EPHB2: variants seen among roughly 807,000 people sequenced by gnomAD.
EPHB2 encodes EPH receptor B2, also known as ephrin type-B receptor 2.
A neutral mutation model predicts 96.4 loss-of-function variants in EPHB2; 18 were observed. The ratio of observed to expected loss-of-function variants is 0.19; its 90% CI spans 0.13 to 0.28. The LOEUF (loss-of-function observed/expected upper bound fraction) is 0.28, where lower values mean the gene tolerates loss of function less well. EPHB2 is among the 10% of genes least tolerant of loss of function. The pLI, the probability that EPHB2 is intolerant of heterozygous loss-of-function variation, is 1.00. For synonymous variants in EPHB2, 506 were observed against 534.1 expected (o/e 0.95, Z 0.72); for missense variants, 989 against 1,355.4 (o/e 0.73, Z 4.25).
At chr1:22,785,358 A>G (rs1184546762) in intron 3 of EPHB2, among the ~76,000 whole-genome samples, 1 of 152,268 alleles carries the variant, frequency 6.6e-6, no homozygotes, top group African/African-American at 2.4e-5. Flanking sequence ...TCATATGAGT[A>G]TGTCAAGTGG....
At position 22,906,641 on chromosome 1, in the gene EPHB2, CAG is replaced by C. The variant is rs200311784; in HGVS notation, c.1889-68_1889-67del. 0.016 allele frequency: 25,933 copies of C among 1,609,144 alleles called. 1,138 individuals carry two copies. The Admixed American group carries it at 0.17, about 10-fold the overall frequency. On this transcript the variant is annotated intron_variant, in intron 10 of 15. Transcript: ENST00000374630. This position sits in a 1 kb window ranked among gnomAD's most constrained non-coding sequence, Gnocchi z 4.8. The stretch of plus-strand genomic sequence containing the variant: ...CTGCAGGCCCCGTGAGTGGACATGA[CAG>C]GGAACAGGAAGGTGGCCCTTCCACC...
rs1640202899 is a variant in EPHB2, at chr1:22,914,123, T to G, written c.*553T>G. On this transcript the variant is annotated 3_prime_UTR_variant, in exon 16 of 16. Transcript: ENST00000374630. ...TGAGAACCCCTCTGGGAAAATCTAT[T>G]CCTGCCACCACTGGGCAAACAGAAG... 2 of 477,530 alleles carry G rather than the reference T, an allele frequency of 4.2e-6. No homozygotes were observed. The highest frequency in any genetic ancestry group is 7.3e-6 in the Non-Finnish European group (2 of 274,298). The allele number at this position is 477,530 out of a possible 1,614,324, so 29.6% of individuals were successfully genotyped here. A position where few individuals can be genotyped will look rare whatever the true frequency, so the allele number is the denominator to read the frequency against.
rs1226067388 is a variant in EPHB2 at position 22,918,164 on chromosome 1, T to C, written c.*4594T>C. On this transcript the variant is annotated 3_prime_UTR_variant, in exon 16 of 16. Coordinates refer to ENST00000374630, the MANE Select transcript of EPHB2 (RefSeq NM_017449.5). This position sits in a 1 kb window ranked among gnomAD's most constrained non-coding sequence, Gnocchi z 4.2. ...GCTACTCCTCTCCCCGAGAAGGAAT[T>C]GCCCCCGGAGCGGCCCTCATTTATT... The C allele has an allele frequency of 6.6e-6, 1 of 152,116 alleles. No homozygotes were observed. The allele number at this position is 152,116 out of a possible 1,614,324, so 9.4% of individuals were successfully genotyped here. A position where few individuals can be genotyped will look rare whatever the true frequency, so the allele number is the denominator to read the frequency against.
chr1:22,806,506 GAT>G (rs1644928743), intron 3 of EPHB2, among the ~76,000 whole-genome samples: 1 of 3,202 alleles, frequency 3.1e-4, no homozygotes, highest in Non-Finnish European at 1.7e-3. Context: ...CGGACGGACG[GAT>G]GGATGGATGG....
rs540813207 is a variant in EPHB2, at chr1:22,723,396, C to T, written c.61+12353C>T. Among the ~76,000 whole-genome samples, 4 of 152,336 alleles carry T rather than the reference C, an allele frequency of 2.6e-5. No individual in the cohort carries two copies. In the East Asian group the frequency reaches 7.7e-4, roughly 29 times the overall value. Reference sequence around the variant, plus strand: ...CTGTCTCCGTCAGCGTCAGCTGTCACTCCCCACGGCCTCAGATGGCAGCTC... The same window carrying T: ...CTGTCTCCGTCAGCGTCAGCTGTCATTCCCCACGGCCTCAGATGGCAGCTC... On this transcript the variant is annotated intron_variant, in intron 1 of 15. Transcript: ENST00000374630.
chr1:22,894,718 C>T (rs1393226773), intron 7 of EPHB2, among the ~76,000 whole-genome samples: 1 of 152,056 alleles, frequency 6.6e-6, no homozygotes, highest in African/African-American at 2.4e-5. Flanking sequence ...TCTTCCAATT[C>T]AACTCCCACC....
intron 3 of EPHB2, among the ~76,000 whole-genome samples, chr1:22,814,293 A>C (rs546485388): frequency 6.6e-6 from 1 of 152,192 alleles, no homozygotes; most frequent in African/African-American, 2.4e-5. Flanking sequence ...CTAGTAGGGC[A>C]CTGGGTCCAG....
chr1:22,914,003 A>G lies in EPHB2; in HGVS notation c.*433A>G, dbSNP rs1469417587. 1.6e-6 allele frequency: 2 copies of G among 1,261,430 alleles called. No individual in the cohort carries two copies. Among genetic ancestry groups the G allele is most frequent in the South Asian group, 1.6e-5 (1 of 61,616 alleles). The allele number at this position is 1,261,430 out of a possible 1,614,324, so 78.1% of individuals were successfully genotyped here. A position where few individuals can be genotyped will look rare whatever the true frequency, so the allele number is the denominator to read the frequency against. On this transcript the variant is annotated 3_prime_UTR_variant, in exon 16 of 16. Transcript: ENST00000374630. ...AAAAACAAATGTGAAGGGGAGAGAC[A>G]GGGGCCGCCCTTGGCTCCTGTCCCT...
intron 3 of EPHB2, among the ~76,000 whole-genome samples, chr1:22,801,231 C>T (rs550803481): frequency 3.9e-5 from 6 of 152,298 alleles, no homozygotes; most frequent in East Asian, 3.9e-4. Flanking sequence ...TCATCTGTCC[C>T]GGCTGTTACG....
chr1:22,866,705 G>A (rs758712223), intron 5 of EPHB2, among the ~76,000 whole-genome samples: 6 of 152,086 alleles, frequency 3.9e-5, no homozygotes, highest in South Asian at 4.1e-4. Flanking sequence ...AGGCCAAGGC[G>A]GGAGGATCAC....
chr1:22,803,599 C>T (rs1208860104), intron 3 of EPHB2, among the ~76,000 whole-genome samples: 1 of 145,874 alleles, frequency 6.9e-6, no homozygotes, highest in Non-Finnish European at 1.5e-5. Context: ...GAGTGAGACC[C>T]TGTCTCAAAA....
intron 1 of EPHB2, among the ~76,000 whole-genome samples, chr1:22,714,237 G>A (rs920658424): frequency 5.9e-5 from 9 of 152,180 alleles, no homozygotes; most frequent in African/African-American, 2.2e-4. Context: ...CCCCGGGGCG[G>A]CAGGTGCACT....
intron 3 of EPHB2, among the ~76,000 whole-genome samples, chr1:22,826,445 GA>G (rs1169080224): frequency 6.6e-6 from 1 of 152,234 alleles, no homozygotes; most frequent in Non-Finnish European, 1.5e-5. Context: ...TTGATGTTTA[GA>G]TTTGGATGCT....
At chr1:22,723,772 T>G (rs968897708) in intron 1 of EPHB2, among the ~76,000 whole-genome samples, 8 of 152,228 alleles carry the variant, frequency 5.3e-5, no homozygotes, top group Admixed American at 4.6e-4. Context: ...CATGGTGTTG[T>G]TTGAGGAATT....
intron 1 of EPHB2, among the ~76,000 whole-genome samples, chr1:22,743,345 ACTT>A (rs767247694): frequency 2.2e-4 from 33 of 152,180 alleles, no homozygotes; most frequent in Non-Finnish European, 4.0e-4. Context: ...GGATCAGCTT[ACTT>A]CTTGTGAGAC....
intron 2 of EPHB2, among the ~76,000 whole-genome samples, chr1:22,783,236 G>C (rs1473025774): frequency 6.6e-6 from 1 of 152,208 alleles, no homozygotes; most frequent in Non-Finnish European, 1.5e-5. Flanking sequence ...TGTAAAAGGG[G>C]TCTAACCATA....
intron 3 of EPHB2, among the ~76,000 whole-genome samples, chr1:22,857,600 C>G (rs549676617): frequency 6.6e-6 from 1 of 152,028 alleles, no homozygotes; most frequent in Non-Finnish European, 1.5e-5. Flanking sequence ...GTTTGAAAAC[C>G]GAGATGCTTT....
At chr1:22,731,956 A>G in intron 1 of EPHB2, among the ~76,000 whole-genome samples, 1 of 152,208 alleles carries the variant, frequency 6.6e-6, no homozygotes, top group East Asian at 1.9e-4. Flanking sequence ...CCCAAGAGGA[A>G]TTTGCCTGGT....
At chr1:22,905,848 T>C (rs1639894190) in intron 9 of EPHB2, 139 bp from the exon 10 acceptor site, 1 of 1,343,324 alleles carries the variant, frequency 7.4e-7, no homozygotes, top group African/African-American at 1.4e-5. Context: ...AGAGGTCAAG[T>C]GACCTGCAGG....
Sources: allele counts gnomAD v4.1 joint callset (sites outside exome capture counted in the v4.1 genomes callset), GRCh38; gene constraint gnomAD v4.1.1; non-coding constraint Gnocchi (gnomAD v3.1); transcripts MANE v1.5; gene names NCBI Gene and HGNC (gene_info 2026-07-23, HGNC 2026-07-21).